Variants in DTD1 observed in about 807,000 individuals in gnomAD.
The protein encoded by DTD1 is D-aminoacyl-tRNA deacylase 1.
In DTD1, 13 loss-of-function variants were observed where a neutral mutation model predicts 25.6. That is an observed-to-expected ratio of 0.51 (90% CI 0.33 to 0.81). DTD1 has a LOEUF of 0.81. Among genes scored for constraint, DTD1 ranks in the 30% least tolerant of loss-of-function variants. The probability of loss-of-function intolerance (pLI) is 0.02; values close to 1 mark genes in which losing one functional copy is unlikely to be tolerated. For missense variants in DTD1, 193 were observed against 266.4 expected (o/e 0.72, Z 1.92); for synonymous variants, 110 against 103.6 (o/e 1.06, Z -0.37).
intron 3 of DTD1, among the ~76,000 whole-genome samples, chr20:18,620,421 A>G (rs2060729111): frequency 6.6e-6 from 1 of 152,224 alleles, no homozygotes; most frequent in South Asian, 2.1e-4. Context: ...GGGCTTACCT[A>G]TCTCAGTTGG....
intron 5 of DTD1, among the ~76,000 whole-genome samples, chr20:18,762,784 T>C (rs915014433): frequency 6.6e-6 from 1 of 152,142 alleles, no homozygotes; most frequent in Admixed American, 6.5e-5. Context: ...ATTGATCTTT[T>C]TATTTTTATT....
chr20:18,610,010 CT>C (rs1176887973), intron 3 of DTD1, among the ~76,000 whole-genome samples: 33 of 152,198 alleles, frequency 2.2e-4, no homozygotes, highest in Non-Finnish European at 2.9e-5. Context: ...TTGTTCTTCT[CT>C]GCTTGCAGGT....
chr20:18,631,992 A>G (rs995429108), intron 4 of DTD1: 1 of 865,340 alleles, frequency 1.2e-6, no homozygotes, highest in African/African-American at 1.8e-5. Flanking sequence ...TAAGGAGTGC[A>G]GTATCATATT....
intron 5 of DTD1, among the ~76,000 whole-genome samples, chr20:18,747,694 T>C (rs1012276199): frequency 1.2e-4 from 18 of 152,152 alleles, no homozygotes; most frequent in African/African-American, 3.9e-4. Flanking sequence ...TTTCCTGCAG[T>C]GAATTGGGAC....
intron 3 of DTD1, among the ~76,000 whole-genome samples, chr20:18,610,369 C>G (rs558530960): frequency 6.6e-6 from 1 of 152,114 alleles, no homozygotes; most frequent in Non-Finnish European, 1.5e-5. Context: ...GGACTACAGA[C>G]GGTGTGCCAC....
At chr20:18,718,520 A>G (rs1161981150) in intron 4 of DTD1, among the ~76,000 whole-genome samples, 1 of 152,246 alleles carries the variant, frequency 6.6e-6, no homozygotes, top group East Asian at 1.9e-4. Flanking sequence ...CTTTAGGGCA[A>G]CAATCATCTG....
intron 4 of DTD1, among the ~76,000 whole-genome samples, chr20:18,707,630 C>A (rs1024941663): frequency 2.6e-5 from 4 of 152,178 alleles, no homozygotes; most frequent in Non-Finnish European, 4.4e-5. Flanking sequence ...AAGAAAGACT[C>A]TTTGGGCATC....
At chr20:18,742,549 C>T (rs888634146) in intron 4 of DTD1, among the ~76,000 whole-genome samples, 2 of 152,030 alleles carry the variant, frequency 1.3e-5, no homozygotes, top group Non-Finnish European at 2.9e-5. Flanking sequence ...ACTGTGCATG[C>T]GGGGGATCTA....
At chr20:18,645,841 A>G (rs2060848240) in intron 4 of DTD1, among the ~76,000 whole-genome samples, 1 of 152,206 alleles carries the variant, frequency 6.6e-6, no homozygotes, top group Non-Finnish European at 1.5e-5. Flanking sequence ...AGGACTATAT[A>G]TTTAAAGGCG....
chr20:18,631,828 C>A, intron 4 of DTD1: 3 of 984,760 alleles, frequency 3.0e-6, no homozygotes, highest in Non-Finnish European at 3.6e-6. Flanking sequence ...GTCTTTTTTT[C>A]ATTCTAAATA....
intron 4 of DTD1, chr20:18,675,214 C>T (rs867694211): frequency 6.6e-6 from 1 of 152,250 alleles, no homozygotes; most frequent in Non-Finnish European, 1.5e-5. Flanking sequence ...GCTTGAATGT[C>T]CTCACAACAT....
chr20:18,755,190 C>T (rs1227886770), intron 5 of DTD1, among the ~76,000 whole-genome samples: 1 of 152,162 alleles, frequency 6.6e-6, no homozygotes, highest in African/African-American at 2.4e-5. Context: ...AGTTAATGCT[C>T]ACTCATAGAA....
intron 4 of DTD1, among the ~76,000 whole-genome samples, chr20:18,678,000 C>T (rs963801793): frequency 3.3e-5 from 5 of 152,100 alleles, no homozygotes; most frequent in South Asian, 2.1e-4. Flanking sequence ...TGGTTTCTTG[C>T]GGGATAAATT....
intron 4 of DTD1, among the ~76,000 whole-genome samples, chr20:18,715,481 G>A (rs774100711): frequency 1.8e-4 from 27 of 152,178 alleles, no homozygotes; most frequent in Admixed American, 3.9e-4. Flanking sequence ...CAGCATTCAC[G>A]GTCAGAGAAG....
chr20:18,678,750 G>A (rs6136465), intron 4 of DTD1: 53,062 of 151,720 alleles, frequency 0.35, 9,579 homozygotes, highest in Middle Eastern at 0.41. Context: ...CCTCGTCACC[G>A]CCCTTCCTCT....
intron 4 of DTD1, chr20:18,632,121 G>T (rs967543611): frequency 7.2e-6 from 7 of 969,910 alleles, no homozygotes; most frequent in African/African-American, 7.0e-5. Context: ...TGTGTATGTA[G>T]ATCAGAGCAT....
rs79125821 is a variant in DTD1, at chr20:18,707,382, A to G, written c.478-36718A>G. ...AGCAACCCTGGACGGACTGCAGTAG[A>G]CAAGATTGTACCTTGAGTGCTCTGT... On this transcript the variant is annotated intron_variant, in intron 4 of 5. Coordinates refer to ENST00000377452, the MANE Select transcript of DTD1 (RefSeq NM_080820.6). 5.2e-3 allele frequency among the ~76,000 whole-genome samples: 786 copies of G among 152,276 alleles called. 2 individuals carry two copies. Among genetic ancestry groups the G allele is most frequent in the Non-Finnish European group, 7.5e-3 (509 of 68,016 alleles).
At chr20:18,728,572 G>A (rs1041728804) in intron 4 of DTD1, among the ~76,000 whole-genome samples, 3 of 152,160 alleles carry the variant, frequency 2.0e-5, no homozygotes, top group Admixed American at 1.3e-4. Context: ...CAAACAGGTC[G>A]TTGCTCCTCA....
At chr20:18,589,689 G>A (rs746444802) in intron 1 of DTD1, among the ~76,000 whole-genome samples, 25 of 152,296 alleles carry the variant, frequency 1.6e-4, no homozygotes, top group South Asian at 2.1e-4. Flanking sequence ...GTGTGTGGTC[G>A]TCACTGACAG....
Sources: gnomAD v4.1 joint callset for allele counts (sites outside exome capture counted in the v4.1 genomes callset) on GRCh38, gnomAD v4.1.1 for gene constraint, MANE v1.5 for transcripts, NCBI Gene and HGNC (gene_info 2026-07-23, HGNC 2026-07-21) for gene names.